Variants in DLG2 observed in about 807,000 individuals in gnomAD.
DLG2 encodes the protein disks large homolog 2.
Under a neutral mutation model 132.5 loss-of-function variants are expected in DLG2, and 45 were observed. The ratio of observed to expected loss-of-function variants is 0.34; its 90% CI spans 0.27 to 0.44. DLG2 has a LOEUF of 0.44. Among genes scored for constraint, DLG2 ranks in the 20% least tolerant of loss-of-function variants. The probability of loss-of-function intolerance (pLI) is 1.00; values close to 1 mark genes in which losing one functional copy is unlikely to be tolerated. For synonymous variants in DLG2, 424 were observed against 419.6 expected (o/e 1.01, Z -0.13); for missense variants, 1,045 against 1,196.9 (o/e 0.87, Z 1.87).
At chr11:85,388,577 C>G (rs1008169266) in intron 3 of DLG2, among the ~76,000 whole-genome samples, 3 of 152,084 alleles carry the variant, frequency 2.0e-5, no homozygotes, top group East Asian at 1.9e-4. Context: ...CACAAGCAAG[C>G]GCTCATACAG....
intron 3 of DLG2, among the ~76,000 whole-genome samples, chr11:85,505,001 TG>T (rs2093894912): frequency 6.6e-6 from 1 of 152,234 alleles, no homozygotes; most frequent in Non-Finnish European, 1.5e-5. Context: ...ACTCATGATT[TG>T]GCTCTCTGTT....
At chr11:84,998,898 T>C (rs2057947171) in intron 6 of DLG2, among the ~76,000 whole-genome samples, 1 of 152,104 alleles carries the variant, frequency 6.6e-6, no homozygotes, top group Non-Finnish European at 1.5e-5. Flanking sequence ...CTTCGCCTTC[T>C]ACTTACAGTG....
chr11:83,525,104 G>A (rs971415702), intron 21 of DLG2, among the ~76,000 whole-genome samples: 1 of 152,188 alleles, frequency 6.6e-6, no homozygotes, highest in Non-Finnish European at 1.5e-5. Context: ...TCAGCAACTT[G>A]AGACAAATAG....
At chr11:85,168,008 A>G (rs2078583186) in intron 4 of DLG2, among the ~76,000 whole-genome samples, 1 of 152,190 alleles carries the variant, frequency 6.6e-6, no homozygotes, top group African/African-American at 2.4e-5. Flanking sequence ...GATTCCTTGA[A>G]AAAACTGGGC....
chr11:84,920,501 T>C (rs749529147), intron 6 of DLG2, among the ~76,000 whole-genome samples: 1 of 152,200 alleles, frequency 6.6e-6, no homozygotes, highest in Non-Finnish European at 1.5e-5. Context: ...TGCATAGATG[T>C]CCATTATGGG....
At chr11:83,925,946 A>T (rs1280414856) in intron 15 of DLG2, among the ~76,000 whole-genome samples, 1 of 152,148 alleles carries the variant, frequency 6.6e-6, no homozygotes, top group African/African-American at 2.4e-5. Flanking sequence ...GGAGTCCCAT[A>T]GAAATCCTAT....
intron 4 of DLG2, among the ~76,000 whole-genome samples, chr11:85,202,782 T>G (rs2081563447): frequency 6.6e-6 from 1 of 151,922 alleles, no homozygotes; most frequent in African/African-American, 2.4e-5. Context: ...TTAAACAACA[T>G]GCTCATGAAC....
intron 6 of DLG2, among the ~76,000 whole-genome samples, chr11:84,601,624 A>C (rs2099576679): frequency 6.6e-6 from 1 of 152,092 alleles, no homozygotes. Context: ...ACCTACTAAA[A>C]TGTTTTTAAA....
chr11:83,610,132 C>A (rs578085808), intron 19 of DLG2, among the ~76,000 whole-genome samples: 2 of 152,282 alleles, frequency 1.3e-5, no homozygotes, highest in African/African-American at 4.8e-5. Context: ...AATACTAGGT[C>A]TCTAAGACCT....
At chr11:85,421,789 T>C (rs1459946870) in intron 3 of DLG2, among the ~76,000 whole-genome samples, 1 of 152,090 alleles carries the variant, frequency 6.6e-6, no homozygotes, top group East Asian at 1.9e-4. Context: ...TCCTCTGAGA[T>C]TTAGGCTTTA....
chr11:85,161,106 G>A (rs1566952191), intron 4 of DLG2, among the ~76,000 whole-genome samples: 1 of 152,190 alleles, frequency 6.6e-6, no homozygotes, highest in South Asian at 2.1e-4. Context: ...TATGTGGATG[G>A]ATATCTGAGT....
At chr11:84,533,612 C>T (rs2099347957) in intron 7 of DLG2, among the ~76,000 whole-genome samples, 1 of 152,042 alleles carries the variant, frequency 6.6e-6, no homozygotes, top group Non-Finnish European at 1.5e-5. Flanking sequence ...AAGTTAACCT[C>T]TCTTAGATGT....
chr11:84,208,543 C>T (rs530794934), intron 8 of DLG2, among the ~76,000 whole-genome samples: 1 of 152,092 alleles, frequency 6.6e-6, no homozygotes, highest in South Asian at 2.1e-4. Context: ...AGAGTTTCAC[C>T]ATGTTAGCCA....
intron 6 of DLG2, among the ~76,000 whole-genome samples, chr11:84,846,409 A>G (rs2081479759): frequency 6.6e-6 from 1 of 152,008 alleles, no homozygotes; most frequent in Non-Finnish European, 1.5e-5. Flanking sequence ...CTTCCCTATT[A>G]CTCATCCTTC....
intron 3 of DLG2, among the ~76,000 whole-genome samples, chr11:85,408,832 T>C (rs1007776150): frequency 1.3e-5 from 2 of 151,716 alleles, no homozygotes; most frequent in Non-Finnish European, 2.9e-5. Flanking sequence ...GTCTTTGCTA[T>C]TGTGAATAAT....
intron 20 of DLG2, among the ~76,000 whole-genome samples, chr11:83,533,603 A>G (rs550886098): frequency 2.6e-5 from 4 of 152,308 alleles, no homozygotes; most frequent in African/African-American, 9.6e-5. Flanking sequence ...AGGATTAGAA[A>G]GAGTTTGTCA....
chr11:85,605,778 A>C (rs2080486984), intron 2 of DLG2, among the ~76,000 whole-genome samples: 1 of 152,222 alleles, frequency 6.6e-6, no homozygotes, highest in South Asian at 2.1e-4. Context: ...CAGGAGATCG[A>C]GACCAGCCTG....
Position 84,844,083 on chromosome 11 carries a change from G to GTA in DLG2, c.357+267577_357+267578insTA, listed in dbSNP as rs1201672801. On this transcript the variant is annotated intron_variant, in intron 6 of 27. Coordinates refer to ENST00000376104, the MANE Select transcript of DLG2 (RefSeq NM_001142699.3). ...TATATGTTTGTGTGTGTGTGTGTGT[G>GTA]TGTATATATATATATATATGTTTGT... Among the ~76,000 whole-genome samples, 136 of 84,072 alleles carry GTA rather than the reference G, an allele frequency of 1.6e-3. 2 individuals carry two copies. Among genetic ancestry groups the GTA allele is most frequent in the African/African-American group, 5.2e-3 (130 of 25,166 alleles). 55.2% of individuals were successfully genotyped at this position (84,072 alleles called of 152,430 possible).
chr11:84,755,616 G>T (rs2066766405), intron 6 of DLG2, among the ~76,000 whole-genome samples: 1 of 152,280 alleles, frequency 6.6e-6, no homozygotes, highest in East Asian at 1.9e-4. Context: ...GTGGAGACGG[G>T]GTTACACCGT....
Sources: gnomAD v4.1 joint callset for allele counts (sites outside exome capture counted in the v4.1 genomes callset) on GRCh38, gnomAD v4.1.1 for gene constraint, MANE v1.5 for transcripts, NCBI Gene and HGNC (gene_info 2026-07-23, HGNC 2026-07-21) for gene names.